SYNE1: variants seen among roughly 807,000 people sequenced by gnomAD.
The protein encoded by SYNE1 is nesprin-1.
Under a neutral mutation model 1,111.0 loss-of-function variants are expected in SYNE1, and 616 were observed. The observed-to-expected ratio is 0.55, with a 90% CI of 0.52 to 0.59. The LOEUF is 0.59. SYNE1 is among the 20% of genes least tolerant of loss of function. The probability of loss-of-function intolerance (pLI) is 0.00; values close to 1 mark genes in which losing one functional copy is unlikely to be tolerated. For missense variants in SYNE1, 10,006 were observed against 10,417.0 expected (o/e 0.96, Z 1.72); for synonymous variants, 3,855 against 3,825.8 (o/e 1.01, Z -0.28).
At chr6:152,318,463 A>G (rs562224649) in intron 85 of SYNE1, 200 bp from the exon 86 acceptor site, 141 of 650,364 alleles carry the variant, frequency 2.2e-4, no homozygotes, top group South Asian at 1.9e-3. Flanking sequence ...TTTATTTCCT[A>G]TGAGGCTGAG....
intron 5 of SYNE1, among the ~76,000 whole-genome samples, chr6:152,523,310 T>C (rs961790390): frequency 2.0e-5 from 3 of 152,064 alleles, no homozygotes; most frequent in African/African-American, 7.2e-5. Context: ...TTAAATAGGA[T>C]GTCATTTCTT....
intron 3 of SYNE1, among the ~76,000 whole-genome samples, chr6:152,588,497 G>A (rs2099547507): frequency 6.6e-6 from 1 of 152,184 alleles, no homozygotes; most frequent in South Asian, 2.1e-4. Flanking sequence ...CAGCCAATGA[G>A]AGTCCTGATC....
chr6:152,366,965 C>T (rs1388644491), intron 62 of SYNE1: 1 of 659,042 alleles, frequency 1.5e-6, no homozygotes, highest in Admixed American at 2.1e-5. Flanking sequence ...TTAAAACTAG[C>T]CTCTTAACAA....
At chr6:152,296,769 T>C (rs542936168) in intron 93 of SYNE1, among the ~76,000 whole-genome samples, 7 of 152,370 alleles carry the variant, frequency 4.6e-5, no homozygotes, top group African/African-American at 1.7e-4. Context: ...CCACAAGGTA[T>C]GGTAACACTG....
chr6:152,328,225 A>G (rs2153963416), intron 78 of SYNE1, among the ~76,000 whole-genome samples: 1 of 152,278 alleles, frequency 6.6e-6, no homozygotes, highest in East Asian at 1.9e-4. Context: ...CTCCCAGGCT[A>G]TAGCTGCTGT....
rs1158144490 is a variant in SYNE1, at chr6:152,362,263, G to A, written c.10206C>T (p.Ser3402=). 9 of 1,614,070 alleles carry A rather than the reference G, an allele frequency of 5.6e-6. No individual in the cohort carries two copies. The highest frequency in any genetic ancestry group is 2.7e-5 in the African/African-American group (2 of 74,920). ...TGGCTTCCATACTATCCATCCAACC[G>A]GAGAACTGTCGAACGCCATCCTGAT... ...TSYQDGVRQF[S]GWMDSMEANL... Residue 3402 remains serine, a synonymous_variant, in exon 64 of 146, where the codon TCC becomes TCT. Coordinates refer to ENST00000367255, the MANE Select transcript of SYNE1 (RefSeq NM_182961.4).
In SYNE1 at chr6:152,334,130, C is replaced by T. The variant is rs779396236; in HGVS notation, c.12672G>A (p.Gln4224=). ...LNDQWLDLCR[Q]SNNLCLQREE... is the part of the protein sequence containing the mutation. ...CCCTTTGCAAGCACAGGTTGTTAGA[C>T]TGACGGCACAAATCGAGCCACTGAT... The change falls in exon 77 of 146, where the codon CAG becomes CAA. Residue 4224 remains glutamine (Q), a synonymous_variant. Transcript: ENST00000367255. The T allele has an allele frequency of 3.1e-6, 5 of 1,614,036 alleles. No individual in the cohort carries two copies. The South Asian group carries it at 3.3e-5, about 11-fold the overall frequency.
At position 152,428,279 on chromosome 6, in the gene SYNE1, CT is replaced by C; in HGVS notation, c.4901del (p.Gln1634ArgfsTer7). 1 of 1,614,172 alleles carries C rather than the reference CT, an allele frequency of 6.2e-7. No individual in the cohort carries two copies. Among genetic ancestry groups the C allele is most frequent in the Non-Finnish European group, 8.5e-7 (1 of 1,180,038 alleles). Reference sequence around the variant, plus strand: ...CCCTCCTTAGGATGTCCTCGTATTGCTGCTGTAGAGCCGCAGCCTCCTGAAC... The same window carrying C: ...CCCTCCTTAGGATGTCCTCGTATTGCGCTGTAGAGCCGCAGCCTCCTGAAC... ...SCVQEAAALQ[Q>X]QYEDILRRAK... On this transcript the variant is annotated frameshift_variant, in exon 37 of 146. Transcript: ENST00000367255. LOFTEE classifies it high-confidence loss of function.
At chr6:152,135,702 G>C (rs1240452555) in intron 141 of SYNE1, among the ~76,000 whole-genome samples, 1 of 152,098 alleles carries the variant, frequency 6.6e-6, no homozygotes, top group Non-Finnish European at 1.5e-5. Context: ...CTAGGAGTGG[G>C]TGCAGAGGTG....
Position 152,465,434 on chromosome 6 carries a change from A to T in SYNE1, c.1756T>A (p.Phe586Ile). The change falls in exon 18 of 146, where the codon TTC becomes ATC. Residue 586 changes from phenylalanine to isoleucine, a missense_variant. By Grantham distance (21) the Phe-to-Ile change is conservative. Transcript: ENST00000367255. ...CACTGAGCGGTGGTTTCATTCATGA[A>T]TTTCATCACATTCTCAGCTTCTTCC... The part of the protein sequence containing the change: ...SVEEAENVMK[F>I]MNETTAQWRN... 6.2e-7 allele frequency: 1 copy of T among 1,613,394 alleles called. No individual in the cohort carries two copies. The highest frequency in any genetic ancestry group is 1.1e-5 in the South Asian group (1 of 91,050).
At chr6:152,435,882 G>A in intron 33 of SYNE1, 59 bp downstream of exon 33, 1 of 1,593,150 alleles carries the variant, frequency 6.3e-7, no homozygotes, top group African/African-American at 1.3e-5. Context: ...CAAGGTACAG[G>A]AAAGATTGTA....
chr6:152,609,755 T>C (rs954825181), intron 3 of SYNE1, among the ~76,000 whole-genome samples: 2 of 152,072 alleles, frequency 1.3e-5, no homozygotes, highest in Non-Finnish European at 2.9e-5. Context: ...CAGGTCTATA[T>C]GGGGATGAAG....
At chr6:152,367,408 A>C (rs982992694) in intron 61 of SYNE1, 26 bp from the exon 62 acceptor site, 4 of 1,612,298 alleles carry the variant, frequency 2.5e-6, no homozygotes, top group Non-Finnish European at 3.4e-6. Context: ...ATGGTTTTCG[A>C]GCTGTCCATC....
At chr6:152,533,952 A>T (rs2099219006) in intron 4 of SYNE1, among the ~76,000 whole-genome samples, 1 of 152,134 alleles carries the variant, frequency 6.6e-6, no homozygotes, top group Non-Finnish European at 1.5e-5. Flanking sequence ...TGAGGTCAGG[A>T]GTTCAGGACC....
chr6:152,231,804 ATATATATATTTAGGT>A (rs950154127), intron 113 of SYNE1, among the ~76,000 whole-genome samples: 5 of 117,010 alleles, frequency 4.3e-5, no homozygotes, highest in Non-Finnish European at 9.3e-5. Flanking sequence ...GTGTGTGTGT[ATATATATATTTAGGT>A]AGAAGATTTA....
chr6:152,616,065 T>C (rs1196598492), intron 3 of SYNE1, among the ~76,000 whole-genome samples: 4 of 152,202 alleles, frequency 2.6e-5, no homozygotes, highest in Admixed American at 1.3e-4. Context: ...GACTTAAATG[T>C]TTTTGGTGGG....
chr6:152,347,515 C>T (rs1056199900), intron 72 of SYNE1, among the ~76,000 whole-genome samples: 13 of 151,982 alleles, frequency 8.6e-5, no homozygotes, highest in Admixed American at 1.3e-4. Context: ...AGATAATACT[C>T]CATGGTATTA....
chr6:152,471,554 C>A, intron 16 of SYNE1, 43 bp downstream of exon 16: 1 of 1,594,054 alleles, frequency 6.3e-7, no homozygotes, highest in South Asian at 1.1e-5. Flanking sequence ...GTTGCTAAAT[C>A]CATGGCTCAT....
At chr6:152,146,308 A>G (rs2673790) in intron 137 of SYNE1, 51,271 of 152,096 alleles carry the variant, frequency 0.34, 8,887 homozygotes, top group Admixed American at 0.46. Flanking sequence ...TAAAGGTTTC[A>G]TAGCCACATT....
Sources: allele counts gnomAD v4.1 joint callset (sites outside exome capture counted in the v4.1 genomes callset), GRCh38; gene constraint gnomAD v4.1.1; transcripts MANE v1.5; gene names NCBI Gene and HGNC (gene_info 2026-07-23, HGNC 2026-07-21).